DAPK1: variants seen among roughly 807,000 people sequenced by gnomAD.
DAPK1 encodes death-associated protein kinase 1.
In DAPK1, 56 loss-of-function variants were observed where a neutral mutation model predicts 144.9. The ratio of observed to expected loss-of-function variants is 0.39; its 90% CI spans 0.31 to 0.48. The LOEUF is 0.48. DAPK1 is among the 20% of genes least tolerant of loss of function. The pLI, the probability that DAPK1 is intolerant of heterozygous loss-of-function variation, is 0.95. For missense variants in DAPK1, 1,454 were observed against 1,875.4 expected (o/e 0.78, Z 4.15); for synonymous variants, 690 against 749.0 (o/e 0.92, Z 1.29).
At chr9:87,644,563 G>A (rs1279347692) in intron 11 of DAPK1, among the ~76,000 whole-genome samples, 2 of 152,118 alleles carry the variant, frequency 1.3e-5, no homozygotes, top group Non-Finnish European at 2.9e-5. Context: ...CAAAAGAGAA[G>A]CAGATTAGGG....
chr9:87,522,540 A>C (rs557526848), intron 2 of DAPK1, among the ~76,000 whole-genome samples: 1 of 152,304 alleles, frequency 6.6e-6, no homozygotes, highest in East Asian at 1.9e-4. Flanking sequence ...TCATTTATTT[A>C]ACCCTTTCTG....
chr9:87,555,139 G>A (rs924743234), intron 2 of DAPK1, among the ~76,000 whole-genome samples: 1 of 152,134 alleles, frequency 6.6e-6, no homozygotes. Flanking sequence ...AGGACTTGGG[G>A]GTTTACATAA....
intron 3 of DAPK1, among the ~76,000 whole-genome samples, chr9:87,637,713 T>C (rs1409830220): frequency 1.3e-5 from 2 of 152,222 alleles, no homozygotes; most frequent in Non-Finnish European, 2.9e-5. Context: ...CTCTCATTTG[T>C]GAACACGGAA....
rs770318110 is a variant in DAPK1 at position 87,681,600 on chromosome 9, C to T, written c.2198C>T (p.Pro733Leu). Residue 733 changes from proline (P) to leucine (L), a missense_variant, in exon 20 of 26, where the codon CCT (proline) becomes CTT (leucine). By Grantham distance (98) the Pro-to-Leu change is moderately conservative. This residue lies in a region of DAPK1 where 1,025 missense variants were observed against 1,237.9 expected (regional missense o/e 0.83). Transcript: ENST00000408954. ...LSSTNSSRFP[P>L]SPLASKPTVS... ...TCCACCAACTCCAGCAGGTTCCCACCTTCACCCCTGGCTTCTAAGCCCACA... is the reference window on the plus strand; with the variant it reads ...TCCACCAACTCCAGCAGGTTCCCACTTTCACCCCTGGCTTCTAAGCCCACA... 1.2e-6 allele frequency: 2 copies of T among 1,603,670 alleles called. No individual in the cohort carries two copies. Among genetic ancestry groups the T allele is most frequent in the African/African-American group, 1.3e-5 (1 of 74,746 alleles).
intron 2 of DAPK1, among the ~76,000 whole-genome samples, chr9:87,599,066 A>G (rs1203979959): frequency 6.6e-6 from 1 of 152,192 alleles, no homozygotes; most frequent in Non-Finnish European, 1.5e-5. Context: ...ACACTTTCCT[A>G]GAGTGATGCT....
chr9:87,596,735 C>T (rs1329727344), intron 2 of DAPK1, among the ~76,000 whole-genome samples: 9 of 152,194 alleles, frequency 5.9e-5, no homozygotes, highest in East Asian at 5.8e-4. Flanking sequence ...GCTTCTGGGG[C>T]GATCTGTTAA....
chr9:87,582,281 A>T (rs545465708), intron 2 of DAPK1, among the ~76,000 whole-genome samples: 1 of 152,186 alleles, frequency 6.6e-6, no homozygotes, highest in Non-Finnish European at 1.5e-5. Context: ...ATGAATTATT[A>T]TAAAAGGCTA....
At chr9:87,546,308 G>A (rs7049226) in intron 2 of DAPK1, among the ~76,000 whole-genome samples, 66,544 of 151,926 alleles carry the variant, frequency 0.44, 14,787 homozygotes, top group African/African-American at 0.51. Flanking sequence ...GAAAACGAGA[G>A]CAAGAGCCTC....
At chr9:87,632,791 A>G in intron 3 of DAPK1, 3 of 981,842 alleles carry the variant, frequency 3.1e-6, no homozygotes, top group Non-Finnish European at 3.6e-6. Context: ...AAGGAGAATC[A>G]GTGTATATGT....
intron 17 of DAPK1, chr9:87,657,414 A>G (rs1346226775): frequency 6.5e-6 from 1 of 153,456 alleles, no homozygotes; most frequent in Non-Finnish European, 1.4e-5. Context: ...GCAGCTACCA[A>G]CCCCCCGCTG....
chr9:87,506,169 A>C (rs1438637985), intron 2 of DAPK1, among the ~76,000 whole-genome samples: 2 of 152,228 alleles, frequency 1.3e-5, no homozygotes, highest in African/African-American at 4.8e-5. Flanking sequence ...AGGATTTGGC[A>C]GTTTTCCATC....
chr9:87,563,916 C>T (rs1337383250), intron 2 of DAPK1, among the ~76,000 whole-genome samples: 1 of 152,246 alleles, frequency 6.6e-6, no homozygotes. Context: ...TGTCCACTCC[C>T]TGCTCATGCC....
intron 10 of DAPK1, 151 bp from the exon 11 acceptor site, chr9:87,643,225 G>A (rs1587802652): frequency 3.6e-6 from 2 of 559,432 alleles, no homozygotes; most frequent in East Asian, 5.8e-5. Flanking sequence ...GCCCACCCTG[G>A]GAGAGTGTGT....
intron 12 of DAPK1, 102 bp downstream of exon 12, chr9:87,646,116 A>T (rs1235226771): frequency 2.0e-5 from 28 of 1,385,774 alleles, no homozygotes; most frequent in Non-Finnish European, 2.6e-5. Context: ...CTCCCTTCCA[A>T]TTGGAAGCTC....
intron 2 of DAPK1, among the ~76,000 whole-genome samples, chr9:87,601,957 A>G (rs536866118): frequency 1.3e-5 from 2 of 152,250 alleles, no homozygotes; most frequent in South Asian, 4.1e-4. Flanking sequence ...GTAGGTCTGC[A>G]CCCAGGGCCT....
chr9:87,645,464 A>C (rs1830234943), intron 11 of DAPK1, among the ~76,000 whole-genome samples: 1 of 152,234 alleles, frequency 6.6e-6, no homozygotes, highest in Non-Finnish European at 1.5e-5. Flanking sequence ...CAAATTGAGA[A>C]TATCTTATTC....
In DAPK1 at chr9:87,572,567, TAGTG is replaced by T. The variant is rs978778149; in HGVS notation, c.63-32379_63-32376del. On this transcript the variant is annotated intron_variant, in intron 2 of 25. Transcript: ENST00000408954. The stretch of plus-strand genomic sequence containing the variant: ...TCCTGGCTTGATGCTGTCCTGGTGA[TAGTG>T]AGTGAGTTTTGGTGAGACCTGGTTG... Among the ~76,000 whole-genome samples, 13 of 152,102 alleles carry T rather than the reference TAGTG, an allele frequency of 8.5e-5. 1 individual carries two copies. The highest frequency in any genetic ancestry group is 1.8e-4 in the Non-Finnish European group (12 of 68,026).
At chr9:87,680,645 A>G (rs1472135266) in intron 19 of DAPK1, among the ~76,000 whole-genome samples, 2 of 123,074 alleles carry the variant, frequency 1.6e-5, no homozygotes, top group Non-Finnish European at 3.8e-5. Context: ...GGTCACACAC[A>G]CACACACGCG....
intron 18 of DAPK1, among the ~76,000 whole-genome samples, chr9:87,659,954 G>A (rs3128471): frequency 0.19 from 29,484 of 152,098 alleles, 2,948 homozygotes; most frequent in South Asian, 0.25. Flanking sequence ...AGTCATAGCC[G>A]TCAATTACAG....
Sources: gnomAD v4.1 joint callset for allele counts (sites outside exome capture counted in the v4.1 genomes callset) on GRCh38, gnomAD v4.1.1 for gene constraint, gnomAD v4.1.1 regional missense constraint, MANE v1.5 for transcripts, NCBI Gene and HGNC (gene_info 2026-07-23, HGNC 2026-07-21) for gene names.